Variants in TTC34 observed in about 807,000 individuals in gnomAD.
The protein encoded by TTC34 is tetratricopeptide repeat domain 34.
Under a neutral mutation model 40.7 loss-of-function variants are expected in TTC34, and 44 were observed. The ratio of observed to expected loss-of-function variants is 1.08; its 90% confidence interval spans 0.85 to 1.39. The LOEUF is 1.39. TTC34 is among the 40% of genes most tolerant of loss of function. The pLI, the probability that TTC34 is intolerant of heterozygous loss-of-function variation, is 0.00. For synonymous variants in TTC34, 422 were observed against 398.6 expected (o/e 1.06, Z -0.70); for missense variants, 884 against 838.0 (o/e 1.05, Z -0.68).
At chr1:2,698,501 C>T in intron 6 of TTC34, among the ~76,000 whole-genome samples, 1 of 131,454 alleles carries the variant, frequency 7.6e-6, no homozygotes, top group Middle Eastern at 4.3e-3. Flanking sequence ...AGGCGAGCAT[C>T]TGACAGCCTG....
intron 5 of TTC34, among the ~76,000 whole-genome samples, chr1:2,785,362 A>G (rs1161211465): frequency 6.6e-6 from 1 of 151,912 alleles, no homozygotes; most frequent in East Asian, 1.9e-4. Flanking sequence ...TGGCCCCCCA[A>G]CCCCAGAAAC....
chr1:2,691,937 A>G (rs1394526769), intron 6 of TTC34, among the ~76,000 whole-genome samples: 2 of 78,742 alleles, frequency 2.5e-5, no homozygotes, highest in Non-Finnish European at 5.7e-5. Flanking sequence ...CTGGAACACC[A>G]CGCACAACCC....
intron 6 of TTC34, among the ~76,000 whole-genome samples, chr1:2,773,169 C>T (rs1175212538): frequency 3.1e-5 from 4 of 130,300 alleles, no homozygotes; most frequent in South Asian, 2.6e-4. Flanking sequence ...CCTGGAGCAG[C>T]GCCCACACCC....
At chr1:2,649,150 G>A (rs1380954638) in intron 6 of TTC34, among the ~76,000 whole-genome samples, 1 of 151,784 alleles carries the variant, frequency 6.6e-6, no homozygotes, top group East Asian at 1.9e-4. Flanking sequence ...CTTACAGCCT[G>A]GAACGGTATC....
intron 6 of TTC34, among the ~76,000 whole-genome samples, chr1:2,694,754 A>C (rs375308087): frequency 8.6e-4 from 29 of 33,594 alleles, no homozygotes; most frequent in Middle Eastern, 0.05. Flanking sequence ...CCCCAAACCC[A>C]CAGGTGAGCA....
intron 6 of TTC34, among the ~76,000 whole-genome samples, chr1:2,693,008 C>T (rs866935243): frequency 2.9e-5 from 2 of 70,102 alleles, no homozygotes; most frequent in South Asian, 4.5e-4. Flanking sequence ...ATCTGACAAC[C>T]TGGAGCAGCA....
At chr1:2,789,759 C>A (rs1236461176) in exon 3 of TTC34, 3 of 639,148 alleles carry the variant, frequency 4.7e-6, no homozygotes, top group Admixed American at 8.6e-5. Flanking sequence ...AGTCCCCGGC[C>A]GCACAGCGCG....
At chr1:2,773,141 C>A (rs1368786582) in intron 6 of TTC34, among the ~76,000 whole-genome samples, 1 of 147,940 alleles carries the variant, frequency 6.8e-6, no homozygotes, top group South Asian at 2.2e-4. Context: ...CACACAACCC[C>A]AGGCGAGCAT....
At chr1:2,791,019 A>G (rs2100631494) in intron 2 of TTC34, among the ~76,000 whole-genome samples, 1 of 152,270 alleles carries the variant, frequency 6.6e-6, no homozygotes, top group Admixed American at 6.5e-5. Context: ...GCAGGGGGTG[A>G]GGATTAAACG....
intron 6 of TTC34, among the ~76,000 whole-genome samples, chr1:2,694,169 G>GCACCCACACCCCCAGGTGAGCATCTGA (rs1640755335): frequency 6.7e-6 from 1 of 148,386 alleles, no homozygotes; most frequent in Admixed American, 6.7e-5. Flanking sequence ...GCATCTGACG[G>GCACCCACACCCCCAGGTGAGCATCTGA]CCTGGAACGG....
chr1:2,780,343 T>C (rs1056268525), intron 6 of TTC34, among the ~76,000 whole-genome samples: 1 of 152,206 alleles, frequency 6.6e-6, no homozygotes, highest in Non-Finnish European at 1.5e-5. Context: ...CCTTTGTTGT[T>C]GTAGCCCAGA....
intron 6 of TTC34, among the ~76,000 whole-genome samples, chr1:2,686,298 A>ACAGCAAGTTAGAGG (rs1640342175): frequency 6.6e-6 from 1 of 151,552 alleles, no homozygotes; most frequent in Non-Finnish European, 1.5e-5. Flanking sequence ...CGAGCATCTG[A>ACAGCAAGTTAGAGG]ACGCACGGAG....
intron 2 of TTC34, among the ~76,000 whole-genome samples, chr1:2,798,875 A>T (rs181447027): frequency 3.2e-4 from 3 of 9,354 alleles, no homozygotes; most frequent in Admixed American, 1.1e-3. Flanking sequence ...CTCAGCCTCC[A>T]AGCCTCCCAG....
intron 6 of TTC34, among the ~76,000 whole-genome samples, chr1:2,752,560 C>T (rs1464903225): frequency 1.1e-5 from 1 of 92,410 alleles, no homozygotes; most frequent in African/African-American, 5.2e-5. Flanking sequence ...CAGCCTGGAA[C>T]AGCACCTTGC....
intron 6 of TTC34, among the ~76,000 whole-genome samples, chr1:2,757,310 C>A (rs1157233834): frequency 2.9e-5 from 4 of 136,566 alleles, no homozygotes; most frequent in Admixed American, 7.2e-5. Context: ...CACCCACACC[C>A]CCAGGCGAGG....
intron 6 of TTC34, among the ~76,000 whole-genome samples, chr1:2,749,002 GCCCAGGTGAGCATC>G (rs1641232612): frequency 7.8e-5 from 1 of 12,880 alleles, no homozygotes; most frequent in African/African-American, 4.9e-4. Flanking sequence ...GCACCCACAC[GCCCAGGTGAGCATC>G]TGACAGCCTG....
intron 6 of TTC34, among the ~76,000 whole-genome samples, chr1:2,749,458 CT>C (rs1641246215): frequency 3.1e-5 from 2 of 64,868 alleles, no homozygotes; most frequent in East Asian, 5.1e-4. Context: ...AGGTGAGCAT[CT>C]GACGGCCTGG....
At chr1:2,684,418 C>T (rs1460547741) in intron 6 of TTC34, among the ~76,000 whole-genome samples, 1 of 148,816 alleles carries the variant, frequency 6.7e-6, no homozygotes, top group Non-Finnish European at 1.5e-5. Flanking sequence ...ATCTGACAGA[C>T]TGGAACACCA....
intron 2 of TTC34, among the ~76,000 whole-genome samples, chr1:2,792,018 T>TTTTTTTTTTTTTTTTTTTA (rs1643668781): frequency 8.7e-6 from 1 of 115,322 alleles, no homozygotes; most frequent in Non-Finnish European, 1.9e-5. Context: ...TTTTTTTTTT[T>TTTTTTTTTTTTTTTTTTTA]TTTTTTTTTT....
Sources: allele counts gnomAD v4.1 joint callset (sites outside exome capture counted in the v4.1 genomes callset), GRCh38; gene constraint gnomAD v4.1.1; transcripts MANE v1.5; gene names NCBI Gene and HGNC (gene_info 2026-07-23, HGNC 2026-07-21).